AMPH: variants seen among roughly 807,000 people sequenced by gnomAD.
The protein encoded by AMPH is amphiphysin, also known as amphiphysin (Stiff-Mann syndrome with breast cancer 128kD autoantigen).
AMPH carries 49 observed loss-of-function variants against 99.1 expected under a neutral mutation model. That is an observed-to-expected ratio of 0.49 (90% CI 0.39 to 0.63). The LOEUF is 0.63. Ranked by LOEUF, AMPH falls within the 20% of genes least tolerant of loss-of-function variation. AMPH has a pLI of 0.00. For missense variants in AMPH, 759 were observed against 863.4 expected (o/e 0.88, Z 1.52); for synonymous variants, 314 against 317.3 (o/e 0.99, Z 0.11).
At chr7:38,576,914 T>C (rs1323202019) in intron 1 of AMPH, among the ~76,000 whole-genome samples, 1 of 152,220 alleles carries the variant, frequency 6.6e-6, no homozygotes, top group Non-Finnish European at 1.5e-5. Context: ...TGATAATATC[T>C]ACCTGGCCGG....
chr7:38,585,646 T>C (rs540761635), intron 1 of AMPH, among the ~76,000 whole-genome samples: 1 of 152,258 alleles, frequency 6.6e-6, no homozygotes, highest in Non-Finnish European at 1.5e-5. Context: ...AAATTTAGCC[T>C]AAGCTTTTAA....
At chr7:38,516,152 G>A (rs1490439634) in intron 2 of AMPH, among the ~76,000 whole-genome samples, 1 of 152,198 alleles carries the variant, frequency 6.6e-6, no homozygotes, top group Non-Finnish European at 1.5e-5. Context: ...AAGAATTCAA[G>A]TTGGCTGCAG....
chr7:38,580,210 A>G (rs1792395363), intron 1 of AMPH, among the ~76,000 whole-genome samples: 1 of 152,162 alleles, frequency 6.6e-6, no homozygotes, highest in African/African-American at 2.4e-5. Flanking sequence ...AGGAAAGATG[A>G]AAAAAATTAA....
At chr7:38,516,703 C>T (rs753377524) in intron 2 of AMPH, among the ~76,000 whole-genome samples, 182 of 152,194 alleles carry the variant, frequency 1.2e-3, no homozygotes, top group Non-Finnish European at 2.0e-3. Context: ...ATGGCAGATC[C>T]ACTGACAGCT....
At chr7:38,415,847 A>G (rs1019285) in intron 17 of AMPH, among the ~76,000 whole-genome samples, 147,161 of 152,020 alleles carry the variant, frequency 0.97, 71,284 homozygotes, top group East Asian at 1. Flanking sequence ...TGCATCACCT[A>G]TGGATCTCAG....
intron 1 of AMPH, among the ~76,000 whole-genome samples, chr7:38,600,177 A>T (rs1202351007): frequency 6.6e-6 from 1 of 152,158 alleles, no homozygotes; most frequent in South Asian, 2.1e-4. Flanking sequence ...ATTATTAATT[A>T]ATCTTACCTT....
chr7:38,463,972 C>T, intron 9 of AMPH: 1 of 993,606 alleles, frequency 1.0e-6, no homozygotes, highest in Non-Finnish European at 1.4e-6. Context: ...GAAACTGGGT[C>T]CTTTAGCGAG....
At chr7:38,570,567 C>A (rs1354530997) in intron 1 of AMPH, among the ~76,000 whole-genome samples, 1 of 152,036 alleles carries the variant, frequency 6.6e-6, no homozygotes, top group African/African-American at 2.4e-5. Context: ...TGGAAACAAA[C>A]CTGCTATGCT....
rs1199793196 is a variant in AMPH at position 38,519,193 on chromosome 7, G to T, written c.151-15489C>A. ...CCCAGCCTCCAGAACTGTGAGAAAT[G>T]AATTTCCTTTCTTTATAAATTACCC... On this transcript the variant is annotated intron_variant, in intron 2 of 20. Coordinates refer to ENST00000356264, the MANE Select transcript of AMPH (RefSeq NM_001635.4). Among the ~76,000 whole-genome samples the T allele has an allele frequency of 2.6e-5, 4 of 152,326 alleles. No homozygotes were observed. In the South Asian group the frequency reaches 6.2e-4, roughly 24 times the overall value.
intron 17 of AMPH, among the ~76,000 whole-genome samples, chr7:38,400,120 G>C (rs945404548): frequency 2.6e-5 from 4 of 152,110 alleles, no homozygotes; most frequent in African/African-American, 7.2e-5. Context: ...TTGTTGCCCA[G>C]GCTGGAGTGC....
chr7:38,477,177 C>A (rs1788119371), intron 5 of AMPH, among the ~76,000 whole-genome samples: 1 of 151,904 alleles, frequency 6.6e-6, no homozygotes, highest in Non-Finnish European at 1.5e-5. Context: ...AGATAAATAT[C>A]TTCCCTTTTG....
intron 11 of AMPH, among the ~76,000 whole-genome samples, chr7:38,446,722 T>C (rs910897227): frequency 2.6e-5 from 4 of 152,166 alleles, no homozygotes; most frequent in African/African-American, 7.2e-5. Context: ...TTTAATAGTA[T>C]ATACATATGT....
intron 11 of AMPH, among the ~76,000 whole-genome samples, chr7:38,460,313 A>G (rs1180687181): frequency 6.6e-6 from 1 of 152,218 alleles, no homozygotes. Context: ...TAGAACTACC[A>G]TAAGATCCAG....
intron 17 of AMPH, among the ~76,000 whole-genome samples, chr7:38,407,021 C>CT (rs1785032263): frequency 5.4e-4 from 2 of 3,712 alleles, no homozygotes; most frequent in African/African-American, 1.6e-3. Context: ...CTAATAGACT[C>CT]CTCTCTCTCT....
At chr7:38,484,848 A>G (rs1562784773) in intron 5 of AMPH, among the ~76,000 whole-genome samples, 2 of 152,110 alleles carry the variant, frequency 1.3e-5, no homozygotes, top group East Asian at 1.9e-4. Context: ...TAAAGTATAC[A>G]TGTGGTGAAA....
intron 1 of AMPH, among the ~76,000 whole-genome samples, chr7:38,593,084 C>T (rs1792919857): frequency 6.6e-6 from 1 of 152,188 alleles, no homozygotes; most frequent in Non-Finnish European, 1.5e-5. Flanking sequence ...TACTTTGTTT[C>T]ACTACTTCTC....
At chr7:38,429,394 A>G (rs1229473356) in intron 14 of AMPH, 6 of 1,291,556 alleles carry the variant, frequency 4.6e-6, no homozygotes, top group South Asian at 2.5e-5. Context: ...TCGGAGGGAC[A>G]TGCAGAGTCT....
chr7:38,630,696 A>G (rs1345414185), intron 1 of AMPH, among the ~76,000 whole-genome samples: 2 of 152,246 alleles, frequency 1.3e-5, no homozygotes, highest in Non-Finnish European at 2.9e-5. Flanking sequence ...GAACTCCAGA[A>G]CTCACCAGAC....
chr7:38,554,695 G>A (rs1363799103), intron 1 of AMPH, among the ~76,000 whole-genome samples: 1 of 152,164 alleles, frequency 6.6e-6, no homozygotes. Flanking sequence ...CAAAATATAA[G>A]CTTGTTTTCA....
Sources: gnomAD v4.1 joint callset for allele counts (sites outside exome capture counted in the v4.1 genomes callset) on GRCh38, gnomAD v4.1.1 for gene constraint, MANE v1.5 for transcripts, NCBI Gene and HGNC (gene_info 2026-07-23, HGNC 2026-07-21) for gene names.